The following EPN1 variants were observed in gnomAD, a reference collection of about 807,000 sequenced individuals.
EPN1 encodes epsin-1.
In EPN1, 25 loss-of-function variants were observed where a neutral mutation model predicts 56.9. That is an observed-to-expected ratio of 0.44 (90% CI 0.32 to 0.61). EPN1 has a LOEUF of 0.61. Ranked by LOEUF, EPN1 falls within the 20% of genes least tolerant of loss-of-function variation. The pLI is 0.05. For synonymous variants in EPN1, 411 were observed against 361.8 expected (o/e 1.14, Z -1.54); for missense variants, 785 against 823.7 (o/e 0.95, Z 0.58).
chr19:55,692,087 C>G, intron 7 of EPN1, 30 bp downstream of exon 7: 3 of 1,406,526 alleles, frequency 2.1e-6, no homozygotes, highest in Non-Finnish European at 2.8e-6. Context: ...GCATGCAGCC[C>G]CTACGCCTGT....
chr19:55,696,271 G>C lies in EPN1; in HGVS notation c.*915G>C, dbSNP rs78560862. 0.038 allele frequency: 5,759 copies of C among 152,444 alleles called. 200 individuals are homozygous for C. Among genetic ancestry groups the C allele is most frequent in the South Asian group, 0.15 (718 of 4,818 alleles). 9.4% of individuals were successfully genotyped at this position (152,444 alleles called of 1,614,324 possible). On this transcript the variant is annotated 3_prime_UTR_variant, in exon 11 of 11. Coordinates refer to ENST00000270460, the MANE Select transcript of EPN1 (RefSeq NM_001130072.2). ...CTCTGTGTGCTGTTTTCCTCTGTGTGCTCTTGTCCTGGGCTGGACCACACC... is the reference window on the plus strand; with the variant it reads ...CTCTGTGTGCTGTTTTCCTCTGTGTCCTCTTGTCCTGGGCTGGACCACACC...
chr19:55,681,196 T>C (rs537031121), intron 2 of EPN1, among the ~76,000 whole-genome samples: 1 of 152,296 alleles, frequency 6.6e-6, no homozygotes, highest in African/African-American at 2.4e-5. Flanking sequence ...CTGCATGGCC[T>C]TGGGGGTGAG....
chr19:55,705,405 T>C lies in EPN1; in HGVS notation c.*10049T>C, dbSNP rs1987342621. ...GCGTGAGCCTGTAATTCCAGCAGTT[T>C]GGGAGGCCGGGGCGAATGGATGACT... is the stretch of plus-strand genomic sequence containing the variant. On this transcript the variant is annotated 3_prime_UTR_variant, in exon 11 of 11. Transcript: ENST00000270460. 6.6e-6 allele frequency: 1 copy of C among 152,208 alleles called. No homozygotes were observed. The highest frequency in any genetic ancestry group is 1.5e-5 in the Non-Finnish European group (1 of 68,048). 9.4% of individuals were successfully genotyped at this position (152,208 alleles called of 1,614,324 possible). A position where few individuals can be genotyped will look rare whatever the true frequency, so the allele number is the denominator to read the frequency against.
rs1018868136 is a variant in EPN1 at position 55,689,739 on chromosome 19, C to T, written c.679-128C>T. 16 of 848,286 alleles carry T rather than the reference C, an allele frequency of 1.9e-5. No individual in the cohort carries two copies. Among genetic ancestry groups the T allele is most frequent in the South Asian group, 7.3e-5 (5 of 68,744 alleles). The allele number at this position is 848,286 out of a possible 1,614,324, so 52.5% of individuals were successfully genotyped here. ...CCCCATCCCCATTTCATACATTGTC[C>T]GCATCCCATCGAATCCTTCAGCCGC... On this transcript the variant is annotated intron_variant, in intron 5 of 10. Coordinates refer to ENST00000270460, the MANE Select transcript of EPN1 (RefSeq NM_001130072.2). This position sits in a 1 kb window ranked among gnomAD's most constrained non-coding sequence, Gnocchi z 5.7.
rs1986781197 is a variant in EPN1, at chr19:55,694,395, C to T, written c.1265-331C>T. 2.2e-5 allele frequency: 6 copies of T among 277,096 alleles called. No homozygotes were observed. The highest frequency in any genetic ancestry group is 1.4e-4 in the South Asian group (1 of 7,056). The allele number at this position is 277,096 out of a possible 1,614,324, so 17.2% of individuals were successfully genotyped here. On this transcript the variant is annotated intron_variant, in intron 9 of 10. Transcript: ENST00000270460. This position sits in a 1 kb window ranked among gnomAD's most constrained non-coding sequence, Gnocchi z 4.2. ...CTGAGCCTGGAGGCACCTGTGAACA[C>T]GCCCCCGCTGCCTTCCCCCGCGGGC...
rs1368261562 is a variant in EPN1, at chr19:55,691,393, G to A, written c.763-361G>A. ...AGGATCGAGCTGCTTCGGGTCGAGCGAGGGGAGGGCTTGGCCTCCATCCTC... is the reference window on the plus strand; with the variant it reads ...AGGATCGAGCTGCTTCGGGTCGAGCAAGGGGAGGGCTTGGCCTCCATCCTC... On this transcript the variant is annotated intron_variant, in intron 6 of 10. Coordinates refer to ENST00000270460, the MANE Select transcript of EPN1 (RefSeq NM_001130072.2). The surrounding 1 kb of genome is among the most constrained non-coding windows in gnomAD (Gnocchi z 5.6). Among the ~76,000 whole-genome samples, 5 of 152,028 alleles carry A rather than the reference G, an allele frequency of 3.3e-5. No homozygotes were observed. Among genetic ancestry groups the A allele is most frequent in the Admixed American group, 1.3e-4 (2 of 15,276 alleles).
intron 3 of EPN1, among the ~76,000 whole-genome samples, chr19:55,686,389 A>C (rs1986169766): frequency 6.6e-6 from 1 of 152,110 alleles, no homozygotes; most frequent in Non-Finnish European, 1.5e-5. Flanking sequence ...TCTGCTCTCC[A>C]GGAAGAGTGG....
chr19:55,677,109 C>T, intron 1 of EPN1: 4 of 1,550,094 alleles, frequency 2.6e-6, no homozygotes, highest in Non-Finnish European at 3.5e-6. Context: ...CCCTATCTCC[C>T]CTGGGCTTAC....
chr19:55,709,271 T>A lies in EPN1; in HGVS notation c.*13915T>A. 3.3e-6 allele frequency: 1 copy of A among 305,650 alleles called. No individual in the cohort carries two copies. Among genetic ancestry groups the A allele is most frequent in the Non-Finnish European group, 6.0e-6 (1 of 168,040 alleles). The allele number at this position is 305,650 out of a possible 1,614,324, so 18.9% of individuals were successfully genotyped here. ...ATATACAGGATGTATCAATTAAGATTTAATTCAAAAAAGATGAATTTAAGT... is the reference window on the plus strand; with the variant it reads ...ATATACAGGATGTATCAATTAAGATATAATTCAAAAAAGATGAATTTAAGT... On this transcript the variant is annotated 3_prime_UTR_variant, in exon 11 of 11. Coordinates refer to ENST00000270460, the MANE Select transcript of EPN1 (RefSeq NM_001130072.2).
chr19:55,687,089 G>C (rs937833905), intron 3 of EPN1, among the ~76,000 whole-genome samples: 7 of 152,206 alleles, frequency 4.6e-5, no homozygotes, highest in African/African-American at 1.7e-4. Flanking sequence ...TAGTTTTCAC[G>C]TGTCTTTTTT....
At chr19:55,693,214 A>G (rs1986695222) in intron 9 of EPN1, 177 bp downstream of exon 9, 1 of 544,774 alleles carries the variant, frequency 1.8e-6, no homozygotes, top group South Asian at 2.8e-5. Flanking sequence ...AGAAGTGTGC[A>G]TCTTTATTTT....
At chr19:55,692,822 G>A (rs753421071) in intron 8 of EPN1, 26 bp downstream of exon 8, 64 of 1,582,806 alleles carry the variant, frequency 4.0e-5, no homozygotes, top group Non-Finnish European at 5.4e-5. Context: ...TGGGAATGGA[G>A]CCCCGGGTGG....
rs1426306993 is a variant in EPN1, at chr19:55,705,748, A to C, written c.*10392A>C. 6.6e-6 allele frequency: 1 copy of C among 150,870 alleles called. No individual in the cohort carries two copies. The highest frequency in any genetic ancestry group is 1.5e-5 in the Non-Finnish European group (1 of 67,724). 9.3% of individuals were successfully genotyped at this position (150,870 alleles called of 1,614,324 possible). On this transcript the variant is annotated 3_prime_UTR_variant, in exon 11 of 11. Coordinates refer to ENST00000270460, the MANE Select transcript of EPN1 (RefSeq NM_001130072.2). The stretch of plus-strand genomic sequence containing the variant: ...GTATCGAGAAAATGACATGTCAATC[A>C]TAAGGTCAGGTTCTTCAACAGTCAT...
chr19:55,702,177 T>C lies in EPN1; in HGVS notation c.*6821T>C, dbSNP rs1274582047. 1 of 151,886 alleles carries C rather than the reference T, an allele frequency of 6.6e-6. No homozygotes were observed. The highest frequency in any genetic ancestry group is 1.5e-5 in the Non-Finnish European group (1 of 68,044). The allele number at this position is 151,886 out of a possible 1,614,324, so 9.4% of individuals were successfully genotyped here. ...GGTTTCACCATGTTGGTCAGGCTGG[T>C]CTCCAACTCCTGACCTCAAGTGATC... On this transcript the variant is annotated 3_prime_UTR_variant, in exon 11 of 11. Transcript: ENST00000270460.
At chr19:55,685,891 T>C (rs940351606) in intron 3 of EPN1, among the ~76,000 whole-genome samples, 6 of 152,206 alleles carry the variant, frequency 3.9e-5, no homozygotes, top group African/African-American at 1.4e-4. Context: ...AGGCCTAGAA[T>C]TGGGAACTTT....
At chr19:55,677,832 T>TG (rs1985543809) in intron 1 of EPN1, 4 of 1,391,840 alleles carry the variant, frequency 2.9e-6, no homozygotes, top group Non-Finnish European at 3.8e-6. Flanking sequence ...CCTCTGCCCT[T>TG]GTTCCAGAGG....
In EPN1 at chr19:55,705,462, A is replaced by G. The variant is rs546151371; in HGVS notation, c.*10106A>G. 36 of 152,294 alleles carry G rather than the reference A, an allele frequency of 2.4e-4. 1 individual carries two copies. The highest frequency in any genetic ancestry group is 8.2e-4 in the African/African-American group (34 of 41,568). 9.4% of individuals were successfully genotyped at this position (152,294 alleles called of 1,614,324 possible). A position where few individuals can be genotyped will look rare whatever the true frequency, so the allele number is the denominator to read the frequency against. ...CAGGAGTTCGAGACCAGCCTGGCCA[A>G]CATGACAAAATCACCATCTCTACTA... On this transcript the variant is annotated 3_prime_UTR_variant, in exon 11 of 11. Coordinates refer to ENST00000270460, the MANE Select transcript of EPN1 (RefSeq NM_001130072.2).
rs1986932618 is a variant in EPN1, at chr19:55,696,917, C to T, written c.*1561C>T. 6.6e-6 allele frequency: 1 copy of T among 152,282 alleles called. No individual in the cohort carries two copies. The highest frequency in any genetic ancestry group is 1.5e-5 in the Non-Finnish European group (1 of 68,080). The allele number at this position is 152,282 out of a possible 1,614,324, so 9.4% of individuals were successfully genotyped here. On this transcript the variant is annotated 3_prime_UTR_variant, in exon 11 of 11. Coordinates refer to ENST00000270460, the MANE Select transcript of EPN1 (RefSeq NM_001130072.2). ...CTGGCCTCCACTTGCCCCTGCAGAC[C>T]AGGGTGTCTGGAGGGTTGTCGGGGG...
rs781722721 is a variant in EPN1, at chr19:55,691,823, G to A, written c.832G>A (p.Gly278Ser). 5.0e-6 allele frequency: 8 copies of A among 1,610,198 alleles called. No homozygotes were observed. The highest frequency in any genetic ancestry group is 1.7e-5 in the Admixed American group (1 of 59,746). The change falls in exon 7 of 11, where the codon GGC becomes AGC. Residue 278 changes from glycine to serine, a missense_variant. Physicochemically the swap from Gly to Ser is moderately conservative, Grantham distance 56. This residue lies in a region of EPN1 where 650 missense variants were observed against 605.0 expected (regional missense o/e 1.07). Coordinates refer to ENST00000270460, the MANE Select transcript of EPN1 (RefSeq NM_001130072.2). The surrounding 1 kb of genome is among the most constrained non-coding windows in gnomAD (Gnocchi z 5.6). ...APAPTTDPWG[G>S]PAPMAAAVPT... is the part of the protein sequence containing the mutation. ...TGCCCCGACCACAGACCCCTGGGGG[G>A]GCCCAGCACCCATGGCTGCTGCCGT...
Sources: allele counts gnomAD v4.1 joint callset (sites outside exome capture counted in the v4.1 genomes callset), GRCh38; gene constraint gnomAD v4.1.1; regional missense constraint gnomAD v4.1.1; non-coding constraint Gnocchi (gnomAD v3.1); transcripts MANE v1.5; gene names NCBI Gene and HGNC (gene_info 2026-07-23, HGNC 2026-07-21).